The following MYO3A variants were observed in gnomAD, a reference collection of about 807,000 sequenced individuals.
The protein encoded by MYO3A is myosin IIIA.
Under a neutral mutation model 192.7 loss-of-function variants are expected in MYO3A, and 180 were observed. That is an observed-to-expected ratio of 0.93 (90% CI 0.83 to 1.06). The LOEUF (loss-of-function observed/expected upper bound fraction) is 1.06. Among genes scored for constraint, MYO3A ranks in the 50% least tolerant of loss-of-function variants. The probability of loss-of-function intolerance (pLI) is 0.00; values close to 1 mark genes in which losing one functional copy is unlikely to be tolerated. For missense variants in MYO3A, 1,896 were observed against 1,905.0 expected, an observed-to-expected ratio of 1.00 and a Z score of 0.09; for synonymous variants, 628 against 645.3, an observed-to-expected ratio of 0.97 and a Z score of 0.41.
chr10:26,092,186 G>A (rs550505548), intron 15 of MYO3A, among the ~76,000 whole-genome samples: 3 of 152,196 alleles, frequency 2.0e-5, no homozygotes, highest in South Asian at 2.1e-4. Context: ...GCAAAGCTTC[G>A]GCCGGGTGCG....
At chr10:26,143,284 T>C (rs897998633) in intron 20 of MYO3A, among the ~76,000 whole-genome samples, 164 bp from the exon 21 acceptor site, 1 of 152,114 alleles carries the variant, frequency 6.6e-6, no homozygotes, top group Non-Finnish European at 1.5e-5. Flanking sequence ...TGAGCCTAGA[T>C]TGCGCCAATA....
chr10:26,035,964 C>G (rs1299202808), intron 10 of MYO3A, among the ~76,000 whole-genome samples: 3 of 151,776 alleles, frequency 2.0e-5, no homozygotes, highest in Non-Finnish European at 4.4e-5. Flanking sequence ...GATGGAGTCT[C>G]CGGCTGTCGC....
intron 17 of MYO3A, among the ~76,000 whole-genome samples, chr10:26,106,631 T>C (rs1204145885): frequency 1.3e-5 from 2 of 152,090 alleles, no homozygotes; most frequent in African/African-American, 4.8e-5. Flanking sequence ...GAAAAGAATA[T>C]TTATCATAAT....
At position 26,176,640 on chromosome 10, in the gene MYO3A, G is replaced by C. The variant is rs1842349596; in HGVS notation, c.4294-61G>C. 27 of 1,500,052 alleles carry C rather than the reference G, an allele frequency of 1.8e-5. No individual in the cohort carries two copies. The South Asian group carries it at 3.1e-4, about 17-fold the overall frequency. The allele number at this position is 1,500,052 out of a possible 1,614,324, so 92.9% of individuals were successfully genotyped here. Reference sequence around the variant, plus strand: ...GGTAAGGCGTTTCCCAGCCCCCGGTGCCTGCAGAACTCTCTGTATTCTTTT... The same window carrying C: ...GGTAAGGCGTTTCCCAGCCCCCGGTCCCTGCAGAACTCTCTGTATTCTTTT... On this transcript the variant is annotated intron_variant, in intron 30 of 34. Transcript: ENST00000642920.
intron 31 of MYO3A, among the ~76,000 whole-genome samples, chr10:26,183,531 T>A (rs1411833767): frequency 3.3e-5 from 5 of 151,224 alleles, no homozygotes; most frequent in African/African-American, 9.7e-5. Flanking sequence ...TCAAAAAAAA[T>A]AATAATAAAA....
At chr10:26,095,681 T>C (rs1314553415) in intron 15 of MYO3A, among the ~76,000 whole-genome samples, 1 of 152,230 alleles carries the variant, frequency 6.6e-6, no homozygotes, top group Non-Finnish European at 1.5e-5. Context: ...ACTTACCTTG[T>C]TGTAATCATA....
chr10:25,983,471 A>G (rs1334011066), intron 4 of MYO3A, among the ~76,000 whole-genome samples: 1 of 151,914 alleles, frequency 6.6e-6, no homozygotes, highest in Non-Finnish European at 1.5e-5. Flanking sequence ...GTTATCCAGG[A>G]TGGTCTCGAT....
At chr10:26,077,028 T>G (rs1835618787) in intron 14 of MYO3A, among the ~76,000 whole-genome samples, 1 of 152,008 alleles carries the variant, frequency 6.6e-6, no homozygotes, top group African/African-American at 2.4e-5. Context: ...CCTAATTCTG[T>G]GAAGAATGAT....
chr10:26,033,873 A>G (rs1211446483), intron 10 of MYO3A, among the ~76,000 whole-genome samples: 1 of 152,218 alleles, frequency 6.6e-6, no homozygotes, highest in Non-Finnish European at 1.5e-5. Context: ...AAACAGCCTG[A>G]GCAAAATCAT....
At chr10:26,172,540 A>G (rs2132028975) in intron 29 of MYO3A, among the ~76,000 whole-genome samples, 1 of 152,352 alleles carries the variant, frequency 6.6e-6, no homozygotes, top group Middle Eastern at 3.4e-3. Flanking sequence ...AAAGGATCAA[A>G]ACTAACTTAT....
intron 4 of MYO3A, among the ~76,000 whole-genome samples, chr10:25,959,577 A>G (rs1837793504): frequency 6.6e-6 from 1 of 151,970 alleles, no homozygotes; most frequent in Non-Finnish European, 1.5e-5. Context: ...TTGTTTGGAG[A>G]CCTACCATGT....
intron 10 of MYO3A, among the ~76,000 whole-genome samples, chr10:26,054,434 G>A (rs1301892645): frequency 6.6e-6 from 1 of 152,170 alleles, no homozygotes; most frequent in African/African-American, 2.4e-5. Flanking sequence ...ATACGGTCCA[G>A]GTTTTCTTAG....
intron 25 of MYO3A, among the ~76,000 whole-genome samples, chr10:26,155,402 T>C (rs1469629335): frequency 6.6e-6 from 1 of 152,224 alleles, no homozygotes; most frequent in Admixed American, 6.5e-5. Context: ...TACTTTTTTT[T>C]CCTCTGTGCT....
intron 6 of MYO3A, among the ~76,000 whole-genome samples, chr10:26,003,161 A>T (rs927065616): frequency 6.6e-6 from 1 of 152,224 alleles, no homozygotes; most frequent in African/African-American, 2.4e-5. Context: ...TGAAGAATAA[A>T]TGGGATGCCA....
intron 10 of MYO3A, among the ~76,000 whole-genome samples, chr10:26,054,426 A>G (rs1410677967): frequency 6.6e-6 from 1 of 152,198 alleles, no homozygotes; most frequent in East Asian, 1.9e-4. Context: ...GTTTTTACAT[A>G]CGGTCCAGGT....
chr10:26,188,397 T>G (rs1460271796), intron 31 of MYO3A, among the ~76,000 whole-genome samples: 1 of 152,214 alleles, frequency 6.6e-6, no homozygotes, highest in African/African-American at 2.4e-5. Flanking sequence ...TATTAGCCCT[T>G]TGTCAGATGA....
intron 10 of MYO3A, among the ~76,000 whole-genome samples, chr10:26,039,900 C>A (rs1252771769): frequency 6.6e-6 from 1 of 151,498 alleles, no homozygotes; most frequent in Non-Finnish European, 1.5e-5. Context: ...TTTATTATTT[C>A]TTTTCTTTTA....
chr10:25,947,512 G>A (rs1040033998), intron 2 of MYO3A, among the ~76,000 whole-genome samples: 4 of 149,490 alleles, frequency 2.7e-5, no homozygotes, highest in Admixed American at 1.4e-4. Flanking sequence ...TCCTGCCTCA[G>A]CCTGCTGAGT....
rs1564620017 is a variant in MYO3A at position 26,173,806 on chromosome 10, G to A, written c.3542G>A (p.Ser1181Asn). ...PEEETTNAVE[S>N]NNRVYQTPKK... is the part of the protein sequence containing the mutation. ...GAGGAAACCACCAATGCTGTGGAGA[G>A]TAACAACAGAGTGTATCAGACTCCA... The change falls in exon 30 of 35, where the codon AGT becomes AAT. Residue 1181 changes from serine to asparagine, a missense_variant. Transcript: ENST00000642920. The A allele has an allele frequency of 5.6e-6, 9 of 1,614,090 alleles. No individual in the cohort carries two copies. Among genetic ancestry groups the A allele is most frequent in the Non-Finnish European group, 7.6e-6 (9 of 1,180,018 alleles).
Sources: allele counts gnomAD v4.1 joint callset (sites outside exome capture counted in the v4.1 genomes callset), GRCh38; gene constraint gnomAD v4.1.1; transcripts MANE v1.5; gene names NCBI Gene and HGNC (gene_info 2026-07-23, HGNC 2026-07-21).